P4HA3: variants seen among roughly 807,000 people sequenced by gnomAD.
P4HA3 encodes prolyl 4-hydroxylase subunit alpha 3, also known as prolyl 4-hydroxylase subunit alpha-3.
A neutral mutation model predicts 66.7 loss-of-function variants in P4HA3; 60 were observed. The ratio of observed to expected loss-of-function variants is 0.90; its 90% confidence interval spans 0.73 to 1.12. The LOEUF (loss-of-function observed/expected upper bound fraction) is 1.12, where lower values mean the gene tolerates loss of function less well. P4HA3 is among the 50% of genes most tolerant of loss of function. The pLI is 0.00. For synonymous variants in P4HA3, 263 were observed against 274.6 expected, an observed-to-expected ratio of 0.96 and a Z score of 0.42; for missense variants, 683 against 685.8, an observed-to-expected ratio of 1.00 and a Z score of 0.05.
chr11:74,288,984 G>T, intron 5 of P4HA3, 95 bp downstream of exon 5: 1 of 739,160 alleles, frequency 1.4e-6, no homozygotes, highest in Non-Finnish European at 2.0e-6. Context: ...AAGATAGATA[G>T]CTGTATTTCT....
At chr11:74,295,940 A>G (rs1244807644) in intron 4 of P4HA3, among the ~76,000 whole-genome samples, 1 of 152,280 alleles carries the variant, frequency 6.6e-6, no homozygotes, top group Admixed American at 6.5e-5. Context: ...ACAATTTCAC[A>G]TATTTCTAAA....
chr11:74,311,435 C>T lies in P4HA3; in HGVS notation c.177G>A (p.Glu59=), dbSNP rs1289943255. The change falls in exon 1 of 13, where the codon GAG becomes GAA. Residue 59 remains glutamate, a synonymous_variant. Coordinates refer to ENST00000331597, the MANE Select transcript of P4HA3 (RefSeq NM_182904.5). ...ACCTAGTCAGGTCCCGCAGCCGCGC[C>T]TCCTCCCCGCGCAGGTACCGCCTCA... ...GLLRRYLRGE[E]ARLRDLTRFY... The T allele has an allele frequency of 6.5e-7, 1 of 1,535,916 alleles. No homozygotes were observed. The highest frequency in any genetic ancestry group is 1.2e-5 in the South Asian group (1 of 82,874).
intron 5 of P4HA3, among the ~76,000 whole-genome samples, chr11:74,287,467 A>C (rs79750170): frequency 0.072 from 10,914 of 152,276 alleles, 634 homozygotes; most frequent in African/African-American, 0.16. Context: ...TAAAAGCACA[A>C]AATTTGAGTG....
chr11:74,268,827 G>T (rs1860086368), intron 11 of P4HA3, among the ~76,000 whole-genome samples: 1 of 152,190 alleles, frequency 6.6e-6, no homozygotes, highest in African/African-American at 2.4e-5. Flanking sequence ...AATCCTGTAT[G>T]TTTTTCCCCC....
rs200703200 is a variant in P4HA3 at position 74,302,496 on chromosome 11, T to G, written c.440A>C (p.Tyr147Ser). 14 of 1,614,194 alleles carry G rather than the reference T, an allele frequency of 8.7e-6. No individual in the cohort carries two copies. In the East Asian group the frequency reaches 3.1e-4, roughly 36 times the overall value. The change falls in exon 3 of 13, where the codon TAC (tyrosine) becomes TCC (serine). Residue 147 changes from tyrosine (Y) to serine (S), a missense_variant. Transcript: ENST00000331597. ...GGCCAGGCCTTTCACATTGAGCATGTACACGTCCTGCAGCCGCATCAGGGC... is the reference window on the plus strand; with the variant it reads ...GGCCAGGCCTTTCACATTGAGCATGGACACGTCCTGCAGCCGCATCAGGGC... ...ARALMRLQDV[Y>S]MLNVKGLARG...
intron 15 of P4HA3, chr11:74,254,175 G>A: frequency 6.5e-6 from 1 of 153,192 alleles, no homozygotes; most frequent in Admixed American, 6.5e-5. Context: ...CACATGTCTG[G>A]GCACCTGCCC....
chr11:74,304,509 G>T, intron 1 of P4HA3, 97 bp from the exon 2 acceptor site: 1 of 1,379,830 alleles, frequency 7.2e-7, no homozygotes, highest in Non-Finnish European at 1.0e-6. Context: ...AGCTAACACT[G>T]ACATGCTGAA....
At chr11:74,303,321 G>T (rs1253334217) in intron 2 of P4HA3, among the ~76,000 whole-genome samples, 4 of 147,370 alleles carry the variant, frequency 2.7e-5, no homozygotes, top group Admixed American at 6.8e-5. Context: ...TTGAGACAGG[G>T]TCTTGCTCAG....
At chr11:74,284,948 C>T (rs1432875880) in intron 7 of P4HA3, among the ~76,000 whole-genome samples, 1 of 152,136 alleles carries the variant, frequency 6.6e-6, no homozygotes, top group African/African-American at 2.4e-5. Context: ...CTTCGTTGGG[C>T]CCGCTAGCCC....
downstream of P4HA3, chr11:74,266,572 A>T (rs1254987891): frequency 6.1e-6 from 1 of 162,748 alleles, no homozygotes; most frequent in African/African-American, 2.4e-5. Flanking sequence ...ACAGATGGGG[A>T]ACACATGGAT....
At chr11:74,302,265 A>G in intron 3 of P4HA3, 104 bp downstream of exon 3, 1 of 1,072,788 alleles carries the variant, frequency 9.3e-7, no homozygotes. Context: ...CAAATTTCCA[A>G]GTTTACTGTA....
chr11:74,284,866 C>T (rs1423740714), intron 7 of P4HA3, among the ~76,000 whole-genome samples: 1 of 152,106 alleles, frequency 6.6e-6, no homozygotes, highest in Non-Finnish European at 1.5e-5. Flanking sequence ...CTGTCCCTTT[C>T]CCAAAGCACA....
chr11:74,250,816 C>G (rs1859638368), intron 15 of P4HA3: 1 of 671,120 alleles, frequency 1.5e-6, no homozygotes, highest in East Asian at 2.7e-5. Context: ...CTCAGCAAGA[C>G]TTGATAATTG....
chr11:74,293,566 T>A lies in P4HA3; in HGVS notation c.718-4436A>T, dbSNP rs1383324077. 2.6e-5 allele frequency among the ~76,000 whole-genome samples: 4 copies of A among 152,210 alleles called. No individual in the cohort carries two copies. The East Asian group carries it at 7.7e-4, about 29-fold the overall frequency. ...TCGATGGTCTTTACAATTTGACATG[T>A]TTTTGCAGTGGCTGGTACCAGTTGT... On this transcript the variant is annotated intron_variant, in intron 4 of 12. Coordinates refer to ENST00000331597, the MANE Select transcript of P4HA3 (RefSeq NM_182904.5).
chr11:74,302,036 A>G (rs866710082), intron 3 of P4HA3, among the ~76,000 whole-genome samples: 46 of 152,048 alleles, frequency 3.0e-4, no homozygotes, highest in African/African-American at 1.1e-3. Flanking sequence ...CATTTTTCCT[A>G]GTTCATGTCT....
chr11:74,269,037 A>G (rs1345464974), intron 11 of P4HA3, among the ~76,000 whole-genome samples: 2 of 152,234 alleles, frequency 1.3e-5, no homozygotes, highest in African/African-American at 4.8e-5. Context: ...AGGATGTGCC[A>G]GGCACTGTAC....
At chr11:74,291,303 G>T (rs1329682277) in intron 4 of P4HA3, among the ~76,000 whole-genome samples, 2 of 152,202 alleles carry the variant, frequency 1.3e-5, no homozygotes, top group East Asian at 1.9e-4. Flanking sequence ...TTTGTATCCT[G>T]AGACTTTGCT....
At chr11:74,272,103 G>T (rs894440885) in intron 10 of P4HA3, among the ~76,000 whole-genome samples, 21 of 152,238 alleles carry the variant, frequency 1.4e-4, no homozygotes, top group Admixed American at 2.6e-4. Flanking sequence ...TCAGGATTAG[G>T]TCAACTGACT....
chr11:74,255,295 C>T (rs1859806820), intron 15 of P4HA3, among the ~76,000 whole-genome samples: 1 of 152,210 alleles, frequency 6.6e-6, no homozygotes, highest in Non-Finnish European at 1.5e-5. Context: ...CCTGTTCATC[C>T]TCTTTTCCGT....
Sources: allele counts gnomAD v4.1 joint callset (sites outside exome capture counted in the v4.1 genomes callset), GRCh38; gene constraint gnomAD v4.1.1; transcripts MANE v1.5; gene names NCBI Gene and HGNC (gene_info 2026-07-23, HGNC 2026-07-21).